The following FMNL1 variants were observed in gnomAD, a reference collection of about 807,000 sequenced individuals.
FMNL1 encodes the protein formin-like protein 1.
FMNL1 carries 43 observed loss-of-function variants against 121.3 expected under a neutral mutation model. The observed-to-expected ratio is 0.35, with a 90% CI of 0.28 to 0.46. The LOEUF (loss-of-function observed/expected upper bound fraction) is 0.46. FMNL1 is among the 20% of genes least tolerant of loss of function. The pLI is 1.00. For missense variants in FMNL1, 1,191 were observed against 1,482.4 expected, an observed-to-expected ratio of 0.80 and a Z score of 3.23; for synonymous variants, 613 against 613.5, an observed-to-expected ratio of 1.00 and a Z score of 0.01.
In FMNL1 at chr17:45,239,263, G is replaced by A. The variant is rs2043626792; in HGVS notation, c.1080+198G>A. ...CCATCTGTGAAATAGGAGAATCATA[G>A]AAGATAATCTTGACTCTAAATGCAT... is the stretch of plus-strand genomic sequence containing the variant. On this transcript the variant is annotated intron_variant, in intron 11 of 26. Coordinates refer to ENST00000331495, the MANE Select transcript of FMNL1 (RefSeq NM_005892.4). 6.7e-6 allele frequency: 4 copies of A among 593,314 alleles called. No individual in the cohort carries two copies. In the South Asian group the frequency reaches 8.0e-5, roughly 12 times the overall value. The allele number at this position is 593,314 out of a possible 1,614,324, so 36.8% of individuals were successfully genotyped here.
At chr17:45,224,024 C>T (rs1413779219) in intron 1 of FMNL1, among the ~76,000 whole-genome samples, 1 of 152,186 alleles carries the variant, frequency 6.6e-6, no homozygotes, top group African/African-American at 2.4e-5. Flanking sequence ...GGGGGGACAC[C>T]CACAGGTGGG....
intron 1 of FMNL1, among the ~76,000 whole-genome samples, chr17:45,225,636 G>T (rs2043315167): frequency 6.6e-6 from 1 of 152,176 alleles, no homozygotes; most frequent in Admixed American, 6.5e-5. Flanking sequence ...TGCTCTCAGG[G>T]CTACCTCTGC....
intron 1 of FMNL1, among the ~76,000 whole-genome samples, chr17:45,228,810 C>A (rs1475555938): frequency 1.4e-5 from 2 of 147,228 alleles, no homozygotes; most frequent in African/African-American, 5.2e-5. Flanking sequence ...CTGGGCTCAG[C>A]CATCCCCTTA....
chr17:45,243,227 C>A lies in FMNL1; in HGVS notation c.2120C>A (p.Ala707Glu). Residue 707 changes from alanine to glutamate, a missense_variant, in exon 17 of 27, where the codon GCG becomes GAG. By Grantham distance (107) the Ala-to-Glu change is moderately radical. Around this residue, in one of 4 missense-constraint regions of FMNL1, gnomAD observed 519 missense variants for 492.8 expected, o/e 1.05. Transcript: ENST00000331495. ...SKAAQKAPSK[A>E]TLIEANRAKN... ...GCAGCCCAGAAGGCCCCCAGCAAGG[C>A]GACACTCATTGAGGCCAACCGGGCC... is the stretch of plus-strand genomic sequence containing the variant. 7 of 1,614,172 alleles carry A rather than the reference C, an allele frequency of 4.3e-6. No homozygotes were observed. Among genetic ancestry groups the A allele is most frequent in the Non-Finnish European group, 5.9e-6 (7 of 1,180,028 alleles).
chr17:45,222,920 C>A lies in FMNL1; in HGVS notation c.129+667C>A, dbSNP rs559341076. On this transcript the variant is annotated intron_variant, in intron 1 of 26. Coordinates refer to ENST00000331495, the MANE Select transcript of FMNL1 (RefSeq NM_005892.4). ...GTGGAGCAAAATCTGGAACCACCCC[C>A]CTCTGTGCCTACCTGGGGAATTGGA... 7.2e-5 allele frequency among the ~76,000 whole-genome samples: 11 copies of A among 152,282 alleles called. No individual in the cohort carries two copies. In the South Asian group the frequency reaches 8.3e-4, roughly 11 times the overall value.
At position 45,237,479 on chromosome 17, in the gene FMNL1, G is replaced by T; in HGVS notation, c.801-67G>T. 6.2e-7 allele frequency: 1 copy of T among 1,610,012 alleles called. No individual in the cohort carries two copies. Among genetic ancestry groups the T allele is most frequent in the South Asian group, 1.1e-5 (1 of 90,944 alleles). ...CACCCACTATGCTCCTCCTAGCCAG[G>T]CCTGTGCCCACCCTTGCCGCGGGTC... On this transcript the variant is annotated intron_variant, in intron 8 of 26. Transcript: ENST00000331495. The surrounding 1 kb of genome is among the most constrained non-coding windows in gnomAD (Gnocchi z 4.4).
chr17:45,230,751 C>T, intron 2 of FMNL1, 64 bp downstream of exon 2: 1 of 1,536,432 alleles, frequency 6.5e-7, no homozygotes, highest in Non-Finnish European at 8.9e-7. Flanking sequence ...CCTGACCAGG[C>T]TGGGGCTATG....
At position 45,240,626 on chromosome 17, in the gene FMNL1, G is replaced by T; in HGVS notation, c.1230+1G>T. 2 of 1,612,602 alleles carry T rather than the reference G, an allele frequency of 1.2e-6. No homozygotes were observed. Among genetic ancestry groups the T allele is most frequent in the Non-Finnish European group, 1.7e-6 (2 of 1,179,494 alleles). On this transcript the variant is annotated splice_donor_variant, in intron 12 of 26. Coordinates refer to ENST00000331495, the MANE Select transcript of FMNL1 (RefSeq NM_005892.4). LOFTEE classifies it high-confidence loss of function. The stretch of plus-strand genomic sequence containing the variant: ...GGAACTGCAGGAGCAAGTGGCGCTG[G>T]TGAGAGTGGGTCCTGACCCCAGCCC...
At chr17:45,235,253 C>T (rs1014017005) in intron 6 of FMNL1, among the ~76,000 whole-genome samples, 1 of 152,210 alleles carries the variant, frequency 6.6e-6, no homozygotes, top group African/African-American at 2.4e-5. Flanking sequence ...GACAGGCTGT[C>T]ATGGAAGTGT....
chr17:45,246,480 C>A (rs781007462), intron 25 of FMNL1, 25 bp from the exon 26 acceptor site: 1 of 1,614,074 alleles, frequency 6.2e-7, no homozygotes, highest in Non-Finnish European at 8.5e-7. Context: ...CTCTACTCCC[C>A]TTCACCTGCC....
At chr17:45,223,942 T>G (rs925736956) in intron 1 of FMNL1, among the ~76,000 whole-genome samples, 3 of 152,138 alleles carry the variant, frequency 2.0e-5, no homozygotes, top group Non-Finnish European at 4.4e-5. Flanking sequence ...TTGCCCTGCT[T>G]GGATTTGTGG....
rs1179210250 is a variant in FMNL1, at chr17:45,231,599, G to A, written c.214-768G>A. On this transcript the variant is annotated intron_variant, in intron 2 of 26. Coordinates refer to ENST00000331495, the MANE Select transcript of FMNL1 (RefSeq NM_005892.4). This position sits in a 1 kb window ranked among gnomAD's most constrained non-coding sequence, Gnocchi z 4.7. Reference sequence around the variant, plus strand: ...GTGGCTCGGCGAATCTGAGGGGTTTGGGTTGGAAGGGTGGGGGCCCCTCTG... The same window carrying A: ...GTGGCTCGGCGAATCTGAGGGGTTTAGGTTGGAAGGGTGGGGGCCCCTCTG... 6.6e-6 allele frequency among the ~76,000 whole-genome samples: 1 copy of A among 152,132 alleles called. No individual in the cohort carries two copies. The highest frequency in any genetic ancestry group is 2.4e-5 in the African/African-American group (1 of 41,408).
Position 45,246,094 on chromosome 17 carries a change from G to A in FMNL1, c.3091-116G>A, listed in dbSNP as rs767313462. ...TGACCCTGCCCCAGGAGCCTGGGAT[G>A]GGAAAGGGTTCTTTCTGCTCAAGCC... On this transcript the variant is annotated intron_variant, in intron 24 of 26. Transcript: ENST00000331495. 4.6e-6 allele frequency: 7 copies of A among 1,527,988 alleles called. No individual in the cohort carries two copies. The South Asian group carries it at 6.5e-5, about 14-fold the overall frequency. The allele number at this position is 1,527,988 out of a possible 1,614,324, so 94.7% of individuals were successfully genotyped here. A position where few individuals can be genotyped will look rare whatever the true frequency, so the allele number is the denominator to read the frequency against.
chr17:45,240,613 G>T lies in FMNL1; in HGVS notation c.1218G>T (p.Glu406Asp), dbSNP rs2043665927. 1.9e-6 allele frequency: 3 copies of T among 1,613,374 alleles called. No individual in the cohort carries two copies. Among genetic ancestry groups the T allele is most frequent in the Non-Finnish European group, 2.5e-6 (3 of 1,179,836 alleles). The change falls in exon 12 of 27, where the codon GAG becomes GAT. Residue 406 changes from glutamate (E) to aspartate (D), a missense_variant. Glu to Asp is a conservative substitution (Grantham distance 45). Coordinates refer to ENST00000331495, the MANE Select transcript of FMNL1 (RefSeq NM_005892.4). ...TGGAGCACATGGAGGAACTGCAGGAGCAAGTGGCGCTGGTGAGAGTGGGTC... is the reference window on the plus strand; with the variant it reads ...TGGAGCACATGGAGGAACTGCAGGATCAAGTGGCGCTGGTGAGAGTGGGTC... The part of the protein sequence containing the change: ...AVLEHMEELQ[E>D]QVALLTERLR...
Position 45,245,359 on chromosome 17 carries a change from C to T in FMNL1, c.2835C>T (p.Phe945=). ...RQDDCMVLKE[F]LRANSPTMDK... ...ATGACTGCATGGTGCTCAAGGAGTT[C>T]CTGAGGGCCAACTCGCCCACCATGG... The change falls in exon 22 of 27, where the codon TTC becomes TTT. Residue 945 remains phenylalanine, a synonymous_variant. Transcript: ENST00000331495. The T allele has an allele frequency of 6.2e-7, 1 of 1,614,182 alleles. No homozygotes were observed. The highest frequency in any genetic ancestry group is 1.3e-5 in the African/African-American group (1 of 75,050).
chr17:45,244,843 A>G lies in FMNL1; in HGVS notation c.2542A>G (p.Met848Val), dbSNP rs777832776. 5.6e-6 allele frequency: 9 copies of G among 1,613,610 alleles called. No individual in the cohort carries two copies. The African/African-American group carries it at 1.1e-4, about 19-fold the overall frequency. The part of the protein sequence containing the change: ...LEIVLAFGNY[M>V]NSSKRGAAYG... ...GATTGTCCTGGCCTTTGGCAACTACATGAACAGTAGCAAGCGTGGGGCAGC... is the reference window on the plus strand; with the variant it reads ...GATTGTCCTGGCCTTTGGCAACTACGTGAACAGTAGCAAGCGTGGGGCAGC... Residue 848 changes from methionine to valine, a missense_variant, in exon 20 of 27, where the codon ATG becomes GTG. Met to Val is a conservative substitution (Grantham distance 21). Around this residue, in one of 4 missense-constraint regions of FMNL1, gnomAD observed 367 missense variants for 528.6 expected, o/e 0.69. Transcript: ENST00000331495.
chr17:45,234,205 G>A lies in FMNL1; in HGVS notation c.614+5G>A, dbSNP rs774756543. On this transcript the variant is annotated splice_donor_5th_base_variant and intron_variant, in intron 6 of 26. Transcript: ENST00000331495. ...AAGCCGCCACCTGACCATCAAGTAT[G>A]TGGGCCACAAAGTGGGGTGGTGGGA... 7 of 1,614,070 alleles carry A rather than the reference G, an allele frequency of 4.3e-6. No individual in the cohort carries two copies. The South Asian group carries it at 7.7e-5, about 18-fold the overall frequency.
At position 45,236,226 on chromosome 17, in the gene FMNL1, C is replaced by G; in HGVS notation, c.705C>G (p.Arg235=). ...TCCACGTCTGTATTATGTGCCTACG[C>G]GCCATCATGAACTACCAGGTCAGCC... ...DDVHVCIMCL[R]AIMNYQSGFS... is the part of the protein sequence containing the mutation. Residue 235 remains arginine, a synonymous_variant, in exon 7 of 27, where the codon CGC becomes CGG. Coordinates refer to ENST00000331495, the MANE Select transcript of FMNL1 (RefSeq NM_005892.4). The G allele has an allele frequency of 6.2e-7, 1 of 1,613,942 alleles. No individual in the cohort carries two copies. The highest frequency in any genetic ancestry group is 8.5e-7 in the Non-Finnish European group (1 of 1,179,964).
At chr17:45,240,827 C>T (rs2043672289) in intron 12 of FMNL1, 2 of 805,994 alleles carry the variant, frequency 2.5e-6, no homozygotes, top group African/African-American at 1.7e-5. Flanking sequence ...TGGGTGAGCA[C>T]CCTCACTGAC....
Sources: gnomAD v4.1 joint callset for allele counts (sites outside exome capture counted in the v4.1 genomes callset) on GRCh38, gnomAD v4.1.1 for gene constraint, gnomAD v4.1.1 regional missense constraint, Gnocchi (gnomAD v3.1) non-coding constraint, MANE v1.5 for transcripts, NCBI Gene and HGNC (gene_info 2026-07-23, HGNC 2026-07-21) for gene names.